LRRIQ1: variants seen among roughly 807,000 people sequenced by gnomAD.
The protein encoded by LRRIQ1 is leucine rich repeats and IQ motif containing 1.
A neutral mutation model predicts 211.9 loss-of-function variants in LRRIQ1; 210 were observed. The ratio of observed to expected loss-of-function variants is 0.99; its 90% CI spans 0.89 to 1.11. The LOEUF is 1.11. Ranked by LOEUF, LRRIQ1 falls within the 50% of genes most tolerant of loss-of-function variation. The pLI is 0.00. For synonymous variants in LRRIQ1, 699 were observed against 650.1 expected (o/e 1.08, Z -1.14); for missense variants, 2,136 against 1,939.5 (o/e 1.10, Z -1.90).
chr12:85,156,927 A>ATT, intron 23 of LRRIQ1, among the ~76,000 whole-genome samples: 1 of 151,902 alleles, frequency 6.6e-6, no homozygotes, highest in African/African-American at 2.4e-5. Context: ...CACAATTGCA[A>ATT]GAAGTATGGT....
chr12:85,095,262 G>C (rs888597061), intron 11 of LRRIQ1, among the ~76,000 whole-genome samples: 2 of 152,002 alleles, frequency 1.3e-5, no homozygotes, highest in Admixed American at 1.3e-4. Context: ...GCCATATAGG[G>C]CTCTAATTAT....
intron 19 of LRRIQ1, among the ~76,000 whole-genome samples, chr12:85,145,986 A>G (rs1889868579): frequency 6.6e-6 from 1 of 151,742 alleles, no homozygotes; most frequent in South Asian, 2.1e-4. Flanking sequence ...CACCCTGAAT[A>G]ATCTGACAGG....
intron 24 of LRRIQ1, among the ~76,000 whole-genome samples, chr12:85,170,254 T>G (rs1891350152): frequency 8.9e-6 from 1 of 112,946 alleles, no homozygotes; most frequent in South Asian, 2.4e-4. Flanking sequence ...TGTATTTGTA[T>G]GTGCATATTG....
At chr12:85,073,359 T>A (rs1032170318) in intron 11 of LRRIQ1, among the ~76,000 whole-genome samples, 4 of 152,066 alleles carry the variant, frequency 2.6e-5, no homozygotes, top group African/African-American at 9.7e-5. Context: ...TTCTTCCATA[T>A]GGAAATGCTG....
intron 24 of LRRIQ1, among the ~76,000 whole-genome samples, chr12:85,197,957 A>T (rs1406005832): frequency 1.8e-5 from 2 of 111,442 alleles, no homozygotes; most frequent in Non-Finnish European, 3.4e-5. Flanking sequence ...ATATAATTAT[A>T]TATTATATAT....
intron 6 of LRRIQ1, among the ~76,000 whole-genome samples, chr12:85,049,994 C>T (rs1033268487): frequency 3.9e-5 from 6 of 152,284 alleles, no homozygotes; most frequent in African/African-American, 1.4e-4. Context: ...CTTGTGTTTT[C>T]CATTAGGCTG....
chr12:85,210,787 T>C (rs552211062), intron 24 of LRRIQ1, among the ~76,000 whole-genome samples: 1 of 149,932 alleles, frequency 6.7e-6, no homozygotes, highest in Non-Finnish European at 1.5e-5. Context: ...TGTTTGTTTG[T>C]GTACTGAACA....
At chr12:85,257,565 C>A (rs1006315919) in intron 1 of LRRIQ1, among the ~76,000 whole-genome samples, 1 of 151,458 alleles carries the variant, frequency 6.6e-6, no homozygotes, top group Non-Finnish European at 1.5e-5. Flanking sequence ...ATTATCCAGT[C>A]AATTTAAAAG....
intron 24 of LRRIQ1, among the ~76,000 whole-genome samples, chr12:85,212,373 A>G (rs1451644555): frequency 6.6e-6 from 1 of 152,148 alleles, no homozygotes; most frequent in Admixed American, 6.6e-5. Context: ...ACTCTAGGCA[A>G]AGAAAGGCAC....
intron 24 of LRRIQ1, among the ~76,000 whole-genome samples, chr12:85,176,064 G>T (rs994673043): frequency 3.3e-5 from 5 of 152,062 alleles, no homozygotes; most frequent in Non-Finnish European, 7.4e-5. Flanking sequence ...TAGCTTGATG[G>T]GGATGGCATT....
At chr12:85,086,917 G>C (rs1252015919) in intron 11 of LRRIQ1, among the ~76,000 whole-genome samples, 3 of 148,592 alleles carry the variant, frequency 2.0e-5, no homozygotes, top group African/African-American at 5.2e-5. Flanking sequence ...TTCAACGATT[G>C]AATCTCAGAT....
rs544758417 is a variant in LRRIQ1 at position 85,119,180 on chromosome 12, C to G, written c.3378-2517C>G. Among the ~76,000 whole-genome samples the G allele has an allele frequency of 2.0e-4, 30 of 152,272 alleles. No homozygotes were observed. The South Asian group carries it at 2.5e-3, about 13-fold the overall frequency. On this transcript the variant is annotated intron_variant, in intron 15 of 26. Coordinates refer to ENST00000393217, the MANE Select transcript of LRRIQ1 (RefSeq NM_001079910.2). Reference sequence around the variant, plus strand: ...TTTGCCTATTCATCTCTGCCTCCCACCAACCCATGACAACTAGCGATCTTA... The same window carrying G: ...TTTGCCTATTCATCTCTGCCTCCCAGCAACCCATGACAACTAGCGATCTTA...
intron 7 of LRRIQ1, 133 bp from the exon 8 acceptor site, chr12:85,055,414 C>A: frequency 1.4e-6 from 1 of 698,648 alleles, no homozygotes; most frequent in Non-Finnish European, 2.0e-6. Context: ...TTTAGTTTCT[C>A]TAAATAAATT....
At chr12:85,040,319 A>T (rs1878718827) in intron 2 of LRRIQ1, among the ~76,000 whole-genome samples, 171 bp from the exon 3 acceptor site, 1 of 151,612 alleles carries the variant, frequency 6.6e-6, no homozygotes, top group Non-Finnish European at 1.5e-5. Flanking sequence ...GAAAATTAAA[A>T]GTAAACTCTA....
At chr12:85,156,868 A>AAATT (rs1382653774) in intron 23 of LRRIQ1, among the ~76,000 whole-genome samples, 1 of 151,850 alleles carries the variant, frequency 6.6e-6, no homozygotes, top group Non-Finnish European at 1.5e-5. Context: ...TTAATGTAAT[A>AAATT]AATTATGGCC....
downstream of LRRIQ1, among the ~76,000 whole-genome samples, chr12:85,267,181 G>T (rs995671174): frequency 2.1e-4 from 32 of 152,170 alleles, no homozygotes; most frequent in African/African-American, 7.7e-4. Flanking sequence ...GATAGATCTA[G>T]ATCAGCATTG....
rs145713455 is a variant in LRRIQ1 at position 85,215,316 on chromosome 12, T to C, written c.4823-14201T>C. Among the ~76,000 whole-genome samples, 1,101 of 152,308 alleles carry C rather than the reference T, an allele frequency of 7.2e-3. 21 individuals are homozygous for C. The highest frequency in any genetic ancestry group is 0.025 in the African/African-American group (1,042 of 41,562). ...GCAACACTCATAGATATTTGCATCA[T>C]AGGAAGCCTTGCACAAGGATAGTCA... On this transcript the variant is annotated intron_variant, in intron 24 of 26. Transcript: ENST00000393217.
chr12:85,245,031 A>G lies in LRRIQ1; in HGVS notation c.*90A>G. On this transcript the variant is annotated 3_prime_UTR_variant, in exon 27 of 27. Transcript: ENST00000393217. ...TGCCAGCAACCTGAACTGCCCAAAA[A>G]TGTGTATTTAAATTTTTTCTTTCTT... 3 of 1,461,618 alleles carry G rather than the reference A, an allele frequency of 2.1e-6. No individual in the cohort carries two copies. Among genetic ancestry groups the G allele is most frequent in the Non-Finnish European group, 2.7e-6 (3 of 1,101,588 alleles). The allele number at this position is 1,461,618 out of a possible 1,614,324, so 90.5% of individuals were successfully genotyped here.
In LRRIQ1 at chr12:85,181,901, G is replaced by A. The variant is rs200472656; in HGVS notation, c.4822+21187G>A. 1.3e-4 allele frequency among the ~76,000 whole-genome samples: 19 copies of A among 151,932 alleles called. No individual in the cohort carries two copies. In the East Asian group the frequency reaches 3.1e-3, roughly 25 times the overall value. ...GGTTTTGTATTGAAACCAAGATTCT[G>A]CATTAAAATATCCCTTATTTTTTCA... On this transcript the variant is annotated intron_variant, in intron 24 of 26. Transcript: ENST00000393217.
Sources: allele counts gnomAD v4.1 joint callset (sites outside exome capture counted in the v4.1 genomes callset), GRCh38; gene constraint gnomAD v4.1.1; transcripts MANE v1.5; gene names NCBI Gene and HGNC (gene_info 2026-07-23, HGNC 2026-07-21).